STEAP3: variants seen among roughly 807,000 people sequenced by gnomAD.
STEAP3 encodes the protein metalloreductase STEAP3.
STEAP3 carries 35 observed loss-of-function variants against 34.9 expected under a neutral mutation model. The ratio of observed to expected loss-of-function variants is 1.00; its 90% confidence interval spans 0.76 to 1.33. The LOEUF is 1.33. Among genes scored for constraint, STEAP3 ranks in the 40% most tolerant of loss-of-function variants. STEAP3 has a pLI of 0.00. For synonymous variants in STEAP3, 281 were observed against 301.6 expected, an observed-to-expected ratio of 0.93 and a Z score of 0.71; for missense variants, 652 against 667.6, an observed-to-expected ratio of 0.98 and a Z score of 0.26.
At chr2:119,255,877 G>A (rs1677759977) in intron 5 of STEAP3, among the ~76,000 whole-genome samples, 1 of 152,208 alleles carries the variant, frequency 6.6e-6, no homozygotes, top group Admixed American at 6.5e-5. Context: ...TGCTAGGCCT[G>A]TGATGCAATA....
At chr2:119,254,548 G>C in intron 4 of STEAP3, 136 bp from the exon 5 acceptor site, 1 of 932,372 alleles carries the variant, frequency 1.1e-6, no homozygotes. Context: ...CCTGAGAAAC[G>C]CTTATCACAG....
intron 1 of STEAP3, among the ~76,000 whole-genome samples, chr2:119,226,156 C>T (rs1029302802): frequency 1.3e-5 from 2 of 152,240 alleles, no homozygotes; most frequent in Admixed American, 6.5e-5. Context: ...GTCTACGCTG[C>T]CTGCTACATT....
intron 5 of STEAP3, among the ~76,000 whole-genome samples, chr2:119,256,030 G>A (rs1055457783): frequency 6.6e-6 from 1 of 152,216 alleles, no homozygotes; most frequent in African/African-American, 2.4e-5. Flanking sequence ...CCTCCCATGA[G>A]TGGGAGCTGA....
chr2:119,230,366 T>TGTCTGTCTGTCC (rs1676882364), intron 1 of STEAP3, among the ~76,000 whole-genome samples: 1 of 152,128 alleles, frequency 6.6e-6, no homozygotes, highest in South Asian at 2.1e-4. Flanking sequence ...TCTGTCTGTC[T>TGTCTGTCTGTCC]GTCTGTCTGT....
rs200273960 is a variant in STEAP3 at position 119,245,726 on chromosome 2, A to G, written c.260A>G (p.Gln87Arg). 392 of 1,614,196 alleles carry G rather than the reference A, an allele frequency of 2.4e-4. 1 individual carries two copies. The highest frequency in any genetic ancestry group is 7.8e-4 in the Admixed American group (47 of 60,020). Residue 87 changes from glutamine to arginine, a missense_variant, in exon 3 of 6, where the codon CAA (glutamine) becomes CGA (arginine). Gln to Arg is a conservative substitution (Grantham distance 43). Coordinates refer to ENST00000393110, the MANE Select transcript of STEAP3 (RefSeq NM_182915.3). ...LFPSAAQVTF[Q>R]EEAVSSPEVI... is the part of the protein sequence containing the mutation. ...CCCTCAGCGGCCCAAGTGACTTTCC[A>G]AGAGGAGGCAGTGAGCTCCCCGGAG...
In STEAP3 at chr2:119,231,041, C is replaced by T. The variant is rs965373586; in HGVS notation, c.22+7C>T. 22 of 1,614,030 alleles carry T rather than the reference C, an allele frequency of 1.4e-5. No individual in the cohort carries two copies. The highest frequency in any genetic ancestry group is 1.8e-5 in the Non-Finnish European group (21 of 1,180,032). On this transcript the variant is annotated splice_region_variant and intron_variant, in intron 2 of 5. Coordinates refer to ENST00000393110, the MANE Select transcript of STEAP3 (RefSeq NM_182915.3). ...TCGCACCAGCCTGCTGTTGGTAAGTCTGGCTAGGACGCAGATCCAAGGGGG... is the reference window on the plus strand; with the variant it reads ...TCGCACCAGCCTGCTGTTGGTAAGTTTGGCTAGGACGCAGATCCAAGGGGG...
rs147602406 is a variant in STEAP3, at chr2:119,242,414, A to G, written c.23-3075A>G. Among the ~76,000 whole-genome samples, 1,172 of 152,186 alleles carry G rather than the reference A, an allele frequency of 7.7e-3. 9 individuals are homozygous for G. Among genetic ancestry groups the G allele is most frequent in the Middle Eastern group, 0.02 (6 of 294 alleles). On this transcript the variant is annotated intron_variant, in intron 2 of 5. Coordinates refer to ENST00000393110, the MANE Select transcript of STEAP3 (RefSeq NM_182915.3). The stretch of plus-strand genomic sequence containing the variant: ...GAGACTTGGCCCTCCCGACCACAGG[A>G]GAAGAGGGATTTGAATTCACCTCGG...
At chr2:119,251,493 A>G (rs1677624687) in intron 4 of STEAP3, among the ~76,000 whole-genome samples, 1 of 152,204 alleles carries the variant, frequency 6.6e-6, no homozygotes, top group Non-Finnish European at 1.5e-5. Context: ...TCAAACTCAA[A>G]GATCAAGATC....
intron 1 of STEAP3, among the ~76,000 whole-genome samples, chr2:119,224,275 G>A (rs966050760): frequency 5.3e-5 from 8 of 152,220 alleles, no homozygotes; most frequent in Admixed American, 1.3e-4. Flanking sequence ...CCAAAGGAGG[G>A]CTGGTAGCTG....
intron 5 of STEAP3, among the ~76,000 whole-genome samples, chr2:119,256,763 C>T (rs763583338): frequency 1.1e-4 from 16 of 152,128 alleles, no homozygotes; most frequent in Non-Finnish European, 1.8e-4. Flanking sequence ...ATGTCAGCGG[C>T]GCCTGGGAAG....
intron 2 of STEAP3, 29 bp downstream of exon 2, chr2:119,231,063 G>C (rs1676919803): frequency 6.2e-7 from 1 of 1,614,024 alleles, no homozygotes; most frequent in Non-Finnish European, 8.5e-7. Context: ...CAGATCCAAG[G>C]GGGCATGGGT....
chr2:119,229,660 C>T (rs986063008), intron 1 of STEAP3, among the ~76,000 whole-genome samples: 4 of 152,146 alleles, frequency 2.6e-5, no homozygotes, highest in African/African-American at 4.8e-5. Flanking sequence ...AATTCAAAGC[C>T]GGGAGAGATT....
chr2:119,257,504 A>G, intron 5 of STEAP3: 1 of 1,544,448 alleles, frequency 6.5e-7, no homozygotes, highest in African/African-American at 1.4e-5. Context: ...GAACCCGAAG[A>G]CCTGAATCTC....
At chr2:119,234,715 T>A (rs958850168) in intron 2 of STEAP3, among the ~76,000 whole-genome samples, 1 of 152,216 alleles carries the variant, frequency 6.6e-6, no homozygotes, top group African/African-American at 2.4e-5. Context: ...CTGCACAGAC[T>A]GTGCACTGCA....
intron 1 of STEAP3, among the ~76,000 whole-genome samples, chr2:119,229,533 T>A (rs1679150063): frequency 6.6e-6 from 1 of 152,154 alleles, no homozygotes; most frequent in Non-Finnish European, 1.5e-5. Context: ...TGTTTAATCA[T>A]CAGGACAGAG....
chr2:119,260,595 C>G (rs1677915034), intron 5 of STEAP3, among the ~76,000 whole-genome samples: 1 of 152,212 alleles, frequency 6.6e-6, no homozygotes, highest in Non-Finnish European at 1.5e-5. Flanking sequence ...CGCACCCAGC[C>G]AAGACTTATT....
chr2:119,225,832 C>T (rs1300221455), intron 1 of STEAP3, among the ~76,000 whole-genome samples: 1 of 152,206 alleles, frequency 6.6e-6, no homozygotes, highest in Non-Finnish European at 1.5e-5. Flanking sequence ...ATTTGCAAAA[C>T]CTTGCCAAGG....
chr2:119,240,030 T>G (rs901288340), intron 2 of STEAP3, among the ~76,000 whole-genome samples: 4 of 152,128 alleles, frequency 2.6e-5, no homozygotes, highest in Non-Finnish European at 5.9e-5. Context: ...CAAAAAAAAT[T>G]TTTTTTAATT....
At chr2:119,239,658 C>T (rs1453671489) in intron 2 of STEAP3, among the ~76,000 whole-genome samples, 1 of 152,172 alleles carries the variant, frequency 6.6e-6, no homozygotes, top group Admixed American at 6.5e-5. Context: ...TGGGCTCACT[C>T]TCAATTCGTC....
Sources: gnomAD v4.1 joint callset for allele counts (sites outside exome capture counted in the v4.1 genomes callset) on GRCh38, gnomAD v4.1.1 for gene constraint, MANE v1.5 for transcripts, NCBI Gene and HGNC (gene_info 2026-07-23, HGNC 2026-07-21) for gene names.